LILRB2: variants seen among roughly 807,000 people sequenced by gnomAD.
LILRB2 encodes the protein leukocyte immunoglobulin like receptor B2, also known as leukocyte immunoglobulin-like receptor subfamily B member 2.
LILRB2 carries 47 observed loss-of-function variants against 72.7 expected under a neutral mutation model. The ratio of observed to expected loss-of-function variants is 0.65; its 90% CI spans 0.51 to 0.82. LILRB2 has a LOEUF of 0.82. LILRB2 is among the 40% of genes least tolerant of loss of function. LILRB2 has a pLI of 0.00. For synonymous variants in LILRB2, 279 were observed against 313.7 expected (o/e 0.89, Z 1.17); for missense variants, 767 against 764.8 (o/e 1.00, Z -0.03).
In LILRB2 at chr19:54,278,795, C is replaced by A; in HGVS notation, c.955+17G>T. The A allele has an allele frequency of 6.2e-7, 1 of 1,611,116 alleles. No individual in the cohort carries two copies. Among genetic ancestry groups the A allele is most frequent in the Non-Finnish European group, 8.5e-7 (1 of 1,179,246 alleles). ...TGCAGAGTCTGGGTCCCTGACTGAACCCGCTGGGCTCCTCACCTGTGATCA... is the reference window on the plus strand; with the variant it reads ...TGCAGAGTCTGGGTCCCTGACTGAAACCGCTGGGCTCCTCACCTGTGATCA... On this transcript the variant is annotated intron_variant, in intron 6 of 13. Coordinates refer to ENST00000314446, the MANE Select transcript of LILRB2 (RefSeq NM_001080978.4).
chr19:54,278,158 C>G, intron 7 of LILRB2, 102 bp downstream of exon 7: 1 of 1,490,168 alleles, frequency 6.7e-7, no homozygotes, highest in South Asian at 1.3e-5. Context: ...GGCTGAGCCC[C>G]GCTCAGACCC....
chr19:54,279,577 G>A lies in LILRB2; in HGVS notation c.426C>T (p.Leu142=). 6.2e-7 allele frequency: 1 copy of A among 1,614,142 alleles called. No homozygotes were observed. The highest frequency in any genetic ancestry group is 8.5e-7 in the Non-Finnish European group (1 of 1,180,002). ...CAAATGCCACCTGTGACTCACACTG[G>A]AGGGTCACCCTTCCTCCTGAGGTCA... ...PVVTSGGRVT[L]QCESQVAFGG... The change falls in exon 5 of 14, where the codon CTC becomes CTT. Residue 142 remains leucine (L), a synonymous_variant. Transcript: ENST00000314446.
chr19:54,276,492 C>T (rs1221854122), intron 10 of LILRB2, 36 bp from the exon 11 acceptor site: 11 of 1,411,946 alleles, frequency 7.8e-6, no homozygotes, highest in Admixed American at 2.2e-5. Flanking sequence ...GCCCTGGGAA[C>T]ATTGGAGCCC....
At position 54,280,035 on chromosome 19, in the gene LILRB2, A is replaced by C. The variant is rs367746356; in HGVS notation, c.111T>G (p.Ser37=). The C allele has an allele frequency of 1.5e-5, 24 of 1,613,976 alleles. No homozygotes were observed. The East Asian group carries it at 1.8e-4, about 12-fold the overall frequency. Residue 37 remains serine (S), a synonymous_variant, in exon 4 of 14, where the codon TCT becomes TCG. Transcript: ENST00000314446. ...TGACGGGACTCCCCTGGGTGATCAC[A>C]GAGTCTGGCTCAGCCCACAGGGTGG... The part of the protein sequence containing the change: ...PKPTLWAEPD[S]VITQGSPVTL...
intron 9 of LILRB2, 133 bp downstream of exon 9, chr19:54,277,417 T>G: frequency 7.2e-7 from 1 of 1,392,868 alleles, no homozygotes. Context: ...CCTTTACACT[T>G]GGAGAAACTG....
At position 54,279,780 on chromosome 19, in the gene LILRB2, T is replaced by C. The variant is rs1171803025; in HGVS notation, c.355+11A>G. 1.2e-6 allele frequency: 2 copies of C among 1,613,428 alleles called. No individual in the cohort carries two copies. The highest frequency in any genetic ancestry group is 2.7e-5 in the African/African-American group (2 of 74,944). ...AGAGCCTGGGGCTGGGATCCCTGAG[T>C]GTCCTCTCACCTGTCATCACCAGCA... On this transcript the variant is annotated intron_variant, in intron 4 of 13. Coordinates refer to ENST00000314446, the MANE Select transcript of LILRB2 (RefSeq NM_001080978.4).
chr19:54,280,721 T>C (rs2147795081), intron 1 of LILRB2, 177 bp from the exon 2 acceptor site: 1 of 545,374 alleles, frequency 1.8e-6, no homozygotes, highest in Non-Finnish European at 2.9e-6. Context: ...GGGCAGGCAC[T>C]GGGCCCTCTG....
chr19:54,279,143 C>A (rs1483955518), intron 5 of LILRB2, 35 bp from the exon 6 acceptor site: 1 of 1,593,466 alleles, frequency 6.3e-7, no homozygotes, highest in Non-Finnish European at 8.6e-7. Flanking sequence ...CAGGAGCCGA[C>A]CCTCAGGCTT....
At chr19:54,276,595 C>T (rs939151892) in intron 10 of LILRB2, 139 bp from the exon 11 acceptor site, 13 of 1,439,794 alleles carry the variant, frequency 9.0e-6, no homozygotes, top group South Asian at 5.5e-5. Context: ...GGACAGAGTC[C>T]GAAGGACACT....
Position 54,279,056 on chromosome 19 carries a change from AG to A in LILRB2, c.710del (p.Pro237LeufsTer5), listed in dbSNP as rs1162816231. 6.2e-7 allele frequency: 1 copy of A among 1,613,872 alleles called. No homozygotes were observed. The highest frequency in any genetic ancestry group is 8.5e-7 in the Non-Finnish European group (1 of 1,179,954). ...CACACTGGAGGGTCAGGCTTTCCCC[AG>A]GGGCCATGACAGGACCCGGCTGCAC... ...LSVQPGPVMAPGESLTLQCVS... is the reference protein window; with the variant it reads ...LSVQPGPVMAXGESLTLQCVS... On this transcript the variant is annotated frameshift_variant, in exon 6 of 14. Coordinates refer to ENST00000314446, the MANE Select transcript of LILRB2 (RefSeq NM_001080978.4). LOFTEE classifies it high-confidence loss of function.
intron 13 of LILRB2, chr19:54,275,150 C>T (rs2080163835): frequency 4.2e-5 from 63 of 1,507,172 alleles, no homozygotes; most frequent in Non-Finnish European, 5.2e-5. Flanking sequence ...CGGGGTGATC[C>T]GATTACATCC....
In LILRB2 at chr19:54,274,564, G is replaced by C. The variant is rs2080125703; in HGVS notation, c.*119C>G. The stretch of plus-strand genomic sequence containing the variant: ...CCCAAAGTTCCCAGCATCTCCTCAT[G>C]GTCTTTGTTAGGGGTCCAGGCTGAC... On this transcript the variant is annotated 3_prime_UTR_variant, in exon 14 of 14. Coordinates refer to ENST00000314446, the MANE Select transcript of LILRB2 (RefSeq NM_001080978.4). 4 of 1,545,362 alleles carry C rather than the reference G, an allele frequency of 2.6e-6. No homozygotes were observed. The highest frequency in any genetic ancestry group is 2.3e-5 in the East Asian group (1 of 43,628).
At chr19:54,277,819 C>G in intron 8 of LILRB2, 70 bp downstream of exon 8, 1 of 1,380,098 alleles carries the variant, frequency 7.2e-7, no homozygotes, top group Non-Finnish European at 1.0e-6. Context: ...GGAATGGGAT[C>G]CTCCTGGACA....
At position 54,279,987 on chromosome 19, in the gene LILRB2, A is replaced by G. The variant is rs2080473963; in HGVS notation, c.159T>C (p.Leu53=). The stretch of plus-strand genomic sequence containing the variant: ...TATATAGACGGTACTCCTGGGCTTC[A>G]AGGCTCCCCTGACAACTGAGGGTGA... ...SPVTLSCQGS[L]EAQEYRLYRE... The change falls in exon 4 of 14, where the codon CTT becomes CTC. Residue 53 remains leucine, a synonymous_variant. Transcript: ENST00000314446. 2 of 1,613,810 alleles carry G rather than the reference A, an allele frequency of 1.2e-6. No individual in the cohort carries two copies. The highest frequency in any genetic ancestry group is 2.7e-5 in the African/African-American group (2 of 74,828).
At position 54,274,396 on chromosome 19, in the gene LILRB2, T is replaced by C. The variant is rs985058029; in HGVS notation, c.*287A>G. On this transcript the variant is annotated 3_prime_UTR_variant, in exon 14 of 14. Transcript: ENST00000314446. Reference sequence around the variant, plus strand: ...TTCAATTTCATTGTGTGATGTGTAATATTTATATTGTGATTCAGTTTAAAG... The same window carrying C: ...TTCAATTTCATTGTGTGATGTGTAACATTTATATTGTGATTCAGTTTAAAG... The C allele has an allele frequency of 4.5e-6, 2 of 445,442 alleles. No individual in the cohort carries two copies. Among genetic ancestry groups the C allele is most frequent in the Non-Finnish European group, 7.8e-6 (2 of 256,698 alleles). 27.6% of individuals were successfully genotyped at this position (445,442 alleles called of 1,614,324 possible).
At position 54,280,545 on chromosome 19, in the gene LILRB2, C is replaced by A. The variant is rs1175006528; in HGVS notation, c.-48-1G>T. 6.2e-7 allele frequency: 1 copy of A among 1,613,824 alleles called. No individual in the cohort carries two copies. Among genetic ancestry groups the A allele is most frequent in the African/African-American group, 1.3e-5 (1 of 74,882 alleles). On this transcript the variant is annotated splice_acceptor_variant, in intron 1 of 13. Transcript: ENST00000314446. LOFTEE classifies it low-confidence loss of function (5UTR_SPLICE). The stretch of plus-strand genomic sequence containing the variant: ...TCTGCGGATGGATGAGCCCTCGGTG[C>A]TGGCGGGACAGAGACACACAGAGAG...
In LILRB2 at chr19:54,274,035, G is replaced by A. The variant is rs2080098644; in HGVS notation, c.*648C>T. ...GGTATAGGTTTGCAGCCTGTTCTGG[G>A]GTTAGTTTGTGAAAATGTGTGTAGG... On this transcript the variant is annotated 3_prime_UTR_variant, in exon 14 of 14. Coordinates refer to ENST00000314446, the MANE Select transcript of LILRB2 (RefSeq NM_001080978.4). 1 of 152,782 alleles carries A rather than the reference G, an allele frequency of 6.5e-6. No individual in the cohort carries two copies. The highest frequency in any genetic ancestry group is 1.9e-4 in the East Asian group (1 of 5,208). 9.5% of individuals were successfully genotyped at this position (152,782 alleles called of 1,614,324 possible). A position where few individuals can be genotyped will look rare whatever the true frequency, so the allele number is the denominator to read the frequency against.
intron 8 of LILRB2, 144 bp downstream of exon 8, chr19:54,277,745 C>T: frequency 7.6e-7 from 1 of 1,315,568 alleles, no homozygotes. Flanking sequence ...CCTGGGGACC[C>T]TGTGGCCCCT....
At chr19:54,277,265 G>T (rs1442770827) in intron 9 of LILRB2, 3 of 1,520,172 alleles carry the variant, frequency 2.0e-6, no homozygotes, top group East Asian at 4.9e-5. Flanking sequence ...CCCTGCCCCA[G>T]GTCACCGTCT....
Sources: allele counts gnomAD v4.1 joint callset, GRCh38; gene constraint gnomAD v4.1.1; transcripts MANE v1.5; gene names NCBI Gene and HGNC (gene_info 2026-07-23, HGNC 2026-07-21).